SLC25A26: variants seen among roughly 807,000 people sequenced by gnomAD.
SLC25A26 encodes solute carrier family 25 member 26, also known as mitochondrial S-adenosylmethionine carrier protein.
In SLC25A26, 36 loss-of-function variants were observed where a neutral mutation model predicts 37.8. The ratio of observed to expected loss-of-function variants is 0.95; its 90% CI spans 0.73 to 1.26. SLC25A26 has a LOEUF of 1.26. Ranked by LOEUF, SLC25A26 falls within the 50% of genes most tolerant of loss-of-function variation. The pLI, the probability that SLC25A26 is intolerant of heterozygous loss-of-function variation, is 0.00. For synonymous variants in SLC25A26, 129 were observed against 122.5 expected (o/e 1.05, Z -0.35); for missense variants, 390 against 331.1 (o/e 1.18, Z -1.38).
chr3:66,346,715 C>CGTGCGTGTGT (rs1390289705), intron 6 of SLC25A26, among the ~76,000 whole-genome samples: 1 of 138,882 alleles, frequency 7.2e-6, no homozygotes, highest in Non-Finnish European at 1.6e-5. Context: ...TTGCTGTGTG[C>CGTGCGTGTGT]GTGTGTGTGT....
intron 1 of SLC25A26, among the ~76,000 whole-genome samples, chr3:66,184,974 A>C (rs2070797722): frequency 6.6e-6 from 1 of 152,194 alleles, no homozygotes. Context: ...AAATAAATGT[A>C]ATATAAAATT....
chr3:66,158,139 G>A (rs2070309353), intron 1 of SLC25A26, among the ~76,000 whole-genome samples: 1 of 152,174 alleles, frequency 6.6e-6, no homozygotes, highest in Admixed American at 6.5e-5. Context: ...GGAATTTCAG[G>A]CATCAGAAAG....
chr3:66,321,289 G>A (rs1412184560), intron 5 of SLC25A26, among the ~76,000 whole-genome samples: 4 of 152,164 alleles, frequency 2.6e-5, no homozygotes, highest in South Asian at 4.1e-4. Context: ...CGTTTAAACC[G>A]TTCTCTGTAT....
At chr3:66,188,380 G>C (rs1315084261) in intron 1 of SLC25A26, among the ~76,000 whole-genome samples, 1 of 152,134 alleles carries the variant, frequency 6.6e-6, no homozygotes, top group Non-Finnish European at 1.5e-5. Flanking sequence ...AGGTTGTTTT[G>C]GTCATGGGGG....
intron 9 of SLC25A26, among the ~76,000 whole-genome samples, chr3:66,373,071 G>A (rs1575624444): frequency 1.3e-5 from 2 of 152,244 alleles, no homozygotes; most frequent in Non-Finnish European, 2.9e-5. Context: ...CAAACACCGC[G>A]TGTTCATTCA....
intron 2 of SLC25A26, among the ~76,000 whole-genome samples, chr3:66,242,051 C>A (rs1397828713): frequency 6.6e-6 from 1 of 152,064 alleles, no homozygotes; most frequent in East Asian, 1.9e-4. Context: ...TTCTTGGATG[C>A]CACCTGGAGG....
At chr3:66,331,539 T>A (rs966151816) in intron 5 of SLC25A26, among the ~76,000 whole-genome samples, 1 of 152,232 alleles carries the variant, frequency 6.6e-6, no homozygotes, top group Non-Finnish European at 1.5e-5. Flanking sequence ...ATAGGTCTTT[T>A]AATGGAATAA....
chr3:66,160,834 C>G (rs527885258), intron 1 of SLC25A26, among the ~76,000 whole-genome samples: 1 of 152,162 alleles, frequency 6.6e-6, no homozygotes, highest in South Asian at 2.1e-4. Context: ...ACTCGAGAGG[C>G]TGAGGCAGGA....
At chr3:66,198,852 C>T (rs1013352567) in intron 1 of SLC25A26, among the ~76,000 whole-genome samples, 3 of 151,986 alleles carry the variant, frequency 2.0e-5, no homozygotes, top group Admixed American at 6.6e-5. Flanking sequence ...CTCACTCTGA[C>T]CTTCACACGC....
chr3:66,260,418 G>T (rs886282935), intron 3 of SLC25A26, among the ~76,000 whole-genome samples: 1 of 152,166 alleles, frequency 6.6e-6, no homozygotes, highest in African/African-American at 2.4e-5. Context: ...GCATTCAAAT[G>T]TTCAGTGAAT....
At position 66,370,552 on chromosome 3, in the gene SLC25A26, G is replaced by A; in HGVS notation, c.657G>A (p.Gly219=). The change falls in exon 9 of 10, where the codon GGG becomes GGA. Residue 219 remains glycine (G), a synonymous_variant. Transcript: ENST00000354883. ...LAKAGSSTAD[G]NVLSVLHGVW... ...AGGCTGGCTCCAGCACTGCTGATGG[G>A]AATGTGCTCTCTGTCCTGCATGGGG... The A allele has an allele frequency of 6.2e-7, 1 of 1,613,916 alleles. No individual in the cohort carries two copies. The highest frequency in any genetic ancestry group is 8.5e-7 in the Non-Finnish European group (1 of 1,179,862).
chr3:66,152,239 A>AT lies in SLC25A26; in HGVS notation c.-354+18259dup, dbSNP rs568734073. Among the ~76,000 whole-genome samples, 501 of 152,308 alleles carry AT rather than the reference A, an allele frequency of 3.3e-3. 4 individuals carry two copies. The highest frequency in any genetic ancestry group is 0.012 in the African/African-American group (479 of 41,582). On this transcript the variant is annotated intron_variant, in intron 1 of 10. Transcript: ENST00000676754. ...CTTCATTTTAAACTGCTACCATGTG[A>AT]TTTTGAGGCTGCTGGCCCAAGGGCT...
At chr3:66,305,418 T>A (rs534970341) in intron 5 of SLC25A26, among the ~76,000 whole-genome samples, 205 of 152,310 alleles carry the variant, frequency 1.3e-3, no homozygotes, top group African/African-American at 4.7e-3. Flanking sequence ...GATATCAAAT[T>A]TTTTATATTA....
chr3:66,352,816 ATTAC>A (rs1404180776), intron 6 of SLC25A26, among the ~76,000 whole-genome samples: 2 of 151,192 alleles, frequency 1.3e-5, no homozygotes, highest in Non-Finnish European at 1.5e-5. Context: ...CTCTTTCCCC[ATTAC>A]TCAGGCCTTA....
chr3:66,186,097 C>T (rs1220372295), intron 1 of SLC25A26, among the ~76,000 whole-genome samples: 1 of 151,890 alleles, frequency 6.6e-6, no homozygotes, highest in Non-Finnish European at 1.5e-5. Context: ...TAACCAAGAC[C>T]CTGATGCATA....
intron 1 of SLC25A26, 134 bp from the exon 2 acceptor site, chr3:66,236,410 G>A (rs1404438093): frequency 8.3e-5 from 45 of 545,056 alleles, no homozygotes; most frequent in Non-Finnish European, 1.3e-4. Context: ...CCTTTGTGCC[G>A]CAGAAGTTGT....
At chr3:66,274,137 C>T (rs1315251229) in intron 5 of SLC25A26, among the ~76,000 whole-genome samples, 2 of 150,642 alleles carry the variant, frequency 1.3e-5, no homozygotes, top group East Asian at 3.9e-4. Flanking sequence ...CTGAGAAAAA[C>T]AAGCAATGGG....
rs1434585339 is a variant in SLC25A26, at chr3:66,378,653, ATGTCAGGAATC to A, written c.*848_*858del. On this transcript the variant is annotated 3_prime_UTR_variant, in exon 10 of 10. Transcript: ENST00000354883. ...CAGGTGTAGAAAAATTCAAAACAAAATGTCAGGAATCTAGCAGTGTTGTCTGCCCTGGAGCA... is the reference window on the plus strand; with the variant it reads ...CAGGTGTAGAAAAATTCAAAACAAAATAGCAGTGTTGTCTGCCCTGGAGCA... 6.6e-6 allele frequency: 1 copy of A among 152,440 alleles called. No homozygotes were observed. Among genetic ancestry groups the A allele is most frequent in the Non-Finnish European group, 1.5e-5 (1 of 68,022 alleles). 9.4% of individuals were successfully genotyped at this position (152,440 alleles called of 1,614,324 possible).
intron 3 of SLC25A26, among the ~76,000 whole-genome samples, chr3:66,257,214 A>G (rs993443301): frequency 6.6e-6 from 1 of 152,186 alleles, no homozygotes; most frequent in Non-Finnish European, 1.5e-5. Flanking sequence ...ATTTTGGAAA[A>G]TTAAGAATTA....
Sources: allele counts gnomAD v4.1 joint callset (sites outside exome capture counted in the v4.1 genomes callset), GRCh38; gene constraint gnomAD v4.1.1; transcripts MANE v1.5; gene names NCBI Gene and HGNC (gene_info 2026-07-23, HGNC 2026-07-21).